CCNT1: variants seen among roughly 807,000 people sequenced by gnomAD.
CCNT1 encodes the protein cyclin-T1.
Under a neutral mutation model 67.3 loss-of-function variants are expected in CCNT1, and 18 were observed. The ratio of observed to expected loss-of-function variants is 0.27; its 90% CI spans 0.18 to 0.40. The LOEUF is 0.40. Among genes scored for constraint, CCNT1 ranks in the 10% least tolerant of loss-of-function variants. The probability of loss-of-function intolerance (pLI) is 1.00; values close to 1 mark genes in which losing one functional copy is unlikely to be tolerated. For synonymous variants in CCNT1, 333 were observed against 310.3 expected, an observed-to-expected ratio of 1.07 and a Z score of -0.77; for missense variants, 744 against 884.9, an observed-to-expected ratio of 0.84 and a Z score of 2.02.
At chr12:48,698,446 G>A (rs1940214425) in intron 5 of CCNT1, among the ~76,000 whole-genome samples, 1 of 152,018 alleles carries the variant, frequency 6.6e-6, no homozygotes, top group Non-Finnish European at 1.5e-5. Flanking sequence ...CATATCTGAG[G>A]TACTTGTTTA....
At chr12:48,707,285 TTTC>T (rs1291681328) in intron 2 of CCNT1, among the ~76,000 whole-genome samples, 63 of 145,764 alleles carry the variant, frequency 4.3e-4, no homozygotes, top group African/African-American at 1.7e-3. Context: ...ATTTTTTTTC[TTTC>T]TTTTTTTTTT....
At chr12:48,712,579 TAA>T (rs1565621828) in intron 2 of CCNT1, among the ~76,000 whole-genome samples, 2 of 32,884 alleles carry the variant, frequency 6.1e-5, no homozygotes, top group African/African-American at 1.1e-4. Context: ...ATCTTTTCCT[TAA>T]AAAAAAAAAA....
At chr12:48,699,963 A>C (rs1445158231) in intron 4 of CCNT1, 123 bp from the exon 5 acceptor site, 3 of 573,792 alleles carry the variant, frequency 5.2e-6, no homozygotes, top group Non-Finnish European at 9.2e-6. Flanking sequence ...ATTAATAGAA[A>C]TTTATTCCAC....
At chr12:48,705,931 A>T (rs1285043719) in intron 2 of CCNT1, 35 bp from the exon 3 acceptor site, 1 of 1,589,180 alleles carries the variant, frequency 6.3e-7, no homozygotes, top group Admixed American at 1.8e-5. Flanking sequence ...ATTTATTATC[A>T]ATTTATTCAT....
At chr12:48,704,010 G>C (rs533536029) in intron 3 of CCNT1, among the ~76,000 whole-genome samples, 1 of 152,138 alleles carries the variant, frequency 6.6e-6, no homozygotes, top group East Asian at 1.9e-4. Context: ...ATGGAGAATT[G>C]TTAAAAATAC....
chr12:48,716,458 G>A (rs1171403793), intron 1 of CCNT1, 57 bp downstream of exon 1: 2 of 1,498,046 alleles, frequency 1.3e-6, no homozygotes. Context: ...CTGAGACCCG[G>A]ACGCCAGAGC....
At chr12:48,694,538 T>A (rs979595178) in intron 8 of CCNT1, 102 bp from the exon 9 acceptor site, 31 of 1,010,414 alleles carry the variant, frequency 3.1e-5, no homozygotes, top group Non-Finnish European at 4.1e-5. Context: ...AAGTTCTGGA[T>A]AGGCCACAGG....
chr12:48,702,629 T>TA (rs1273617841), intron 3 of CCNT1, among the ~76,000 whole-genome samples: 2 of 151,906 alleles, frequency 1.3e-5, no homozygotes, highest in Non-Finnish European at 2.9e-5. Context: ...TTAAAAATAC[T>TA]AAAAAATTAG....
chr12:48,704,348 C>T (rs1940321315), intron 3 of CCNT1, among the ~76,000 whole-genome samples: 1 of 152,250 alleles, frequency 6.6e-6, no homozygotes, highest in Non-Finnish European at 1.5e-5. Flanking sequence ...CTGAGCACTG[C>T]CTCTTGTCTG....
In CCNT1 at chr12:48,693,466, G is replaced by C; in HGVS notation, c.1748C>G (p.Ala583Gly). 1 of 1,614,216 alleles carries C rather than the reference G, an allele frequency of 6.2e-7. No individual in the cohort carries two copies. The highest frequency in any genetic ancestry group is 8.5e-7 in the Non-Finnish European group (1 of 1,180,038). The change falls in exon 9 of 9, where the codon GCT becomes GGT. Residue 583 changes from alanine to glycine, a missense_variant. Physicochemically the swap from Ala to Gly is moderately conservative, Grantham distance 60. Around this residue, in one of 3 missense-constraint regions of CCNT1, gnomAD observed 564 missense variants for 574.2 expected, o/e 0.98. Transcript: ENST00000261900. ...AATCTTGGCTGGATGATCAAACACA[G>C]CCCCTCCAGTCTCTTCAGAGGGTCC... Reference protein sequence around the residue: ...KRGPSEETGGAVFDHPAKIAK... With the variant: ...KRGPSEETGGGVFDHPAKIAK...
At chr12:48,700,433 C>A (rs1483267616) in intron 4 of CCNT1, among the ~76,000 whole-genome samples, 1 of 151,358 alleles carries the variant, frequency 6.6e-6, no homozygotes, top group Non-Finnish European at 1.5e-5. Context: ...ACGCCAATAA[C>A]TTTGACGTAC....
At chr12:48,701,117 ATATAAAG>A (rs760064612) in intron 3 of CCNT1, 44 bp from the exon 4 acceptor site, 12 of 1,151,290 alleles carry the variant, frequency 1.0e-5, no homozygotes, top group Non-Finnish European at 1.5e-5. Context: ...AAGGCACAAT[ATATAAAG>A]TATAAACAAT....
At chr12:48,701,629 T>C (rs1473275153) in intron 3 of CCNT1, among the ~76,000 whole-genome samples, 2 of 151,678 alleles carry the variant, frequency 1.3e-5, no homozygotes. Flanking sequence ...TTTTTTGAGT[T>C]GGAGTTTCGC....
intron 5 of CCNT1, 96 bp from the exon 6 acceptor site, chr12:48,698,279 A>C (rs946387430): frequency 9.8e-5 from 88 of 896,330 alleles, no homozygotes; most frequent in Non-Finnish European, 1.4e-4. Context: ...TAATATTTGC[A>C]AGGTACTGTG....
chr12:48,701,675 T>G (rs1336018663), intron 3 of CCNT1, among the ~76,000 whole-genome samples: 8 of 151,946 alleles, frequency 5.3e-5, no homozygotes, highest in Non-Finnish European at 1.0e-4. Context: ...TGGCACAATC[T>G]CGGCTCACCA....
At chr12:48,710,315 T>C (rs1940430161) in intron 2 of CCNT1, among the ~76,000 whole-genome samples, 1 of 152,216 alleles carries the variant, frequency 6.6e-6, no homozygotes, top group Admixed American at 6.5e-5. Context: ...TTAAGTCCTC[T>C]CACATTTAAA....
intron 1 of CCNT1, among the ~76,000 whole-genome samples, chr12:48,716,226 A>C (rs918340515): frequency 1.3e-5 from 2 of 152,276 alleles, no homozygotes; most frequent in Non-Finnish European, 2.9e-5. Flanking sequence ...AGAGCAGATC[A>C]GAACACAATG....
In CCNT1 at chr12:48,716,495, G is replaced by A. The variant is rs762274652; in HGVS notation, c.161+20C>T. On this transcript the variant is annotated intron_variant, in intron 1 of 8. Transcript: ENST00000261900. ...TGGCGGGACCAACTCCAAGGCCGAA[G>A]GCCTAGGCCACAAGGATACACGTTA... 4.4e-6 allele frequency: 7 copies of A among 1,600,664 alleles called. No individual in the cohort carries two copies. In the Admixed American group the frequency reaches 1.2e-4, roughly 27 times the overall value.
At chr12:48,714,420 T>G (rs376233935) in intron 2 of CCNT1, 23 bp downstream of exon 2, 5 of 1,433,902 alleles carry the variant, frequency 3.5e-6, no homozygotes, top group Middle Eastern at 1.7e-4. Context: ...AAGGATTATA[T>G]CATATAAAAA....
Sources: allele counts gnomAD v4.1 joint callset (sites outside exome capture counted in the v4.1 genomes callset), GRCh38; gene constraint gnomAD v4.1.1; regional missense constraint gnomAD v4.1.1; transcripts MANE v1.5; gene names NCBI Gene and HGNC (gene_info 2026-07-23, HGNC 2026-07-21).